The following EHF variants were observed in gnomAD, a reference collection of about 807,000 sequenced individuals.
The protein encoded by EHF is ESE3 transcription factor.
EHF carries 14 observed loss-of-function variants against 45.1 expected under a neutral mutation model. That is an observed-to-expected ratio of 0.31 (90% confidence interval 0.21 to 0.49). EHF has a LOEUF of 0.49. Among genes scored for constraint, EHF ranks in the 20% least tolerant of loss-of-function variants. The pLI is 0.99. For synonymous variants in EHF, 136 were observed against 131.8 expected (o/e 1.03, Z -0.22); for missense variants, 282 against 371.4 (o/e 0.76, Z 1.98).
chr11:34,649,184 A>G (rs774130080), intron 4 of EHF, 103 bp downstream of exon 4: 16 of 1,222,018 alleles, frequency 1.3e-5, no homozygotes, highest in Non-Finnish European at 1.9e-5. Context: ...TTTTGCAGGA[A>G]ACACAGGGAG....
At chr11:34,635,048 A>G (rs1853253872) in intron 1 of EHF, among the ~76,000 whole-genome samples, 1 of 152,158 alleles carries the variant, frequency 6.6e-6, no homozygotes, top group African/African-American at 2.4e-5. Context: ...AATGCCTCCT[A>G]GAGTTGTTGT....
chr11:34,624,132 C>T (rs1299791701), intron 1 of EHF: 2 of 255,166 alleles, frequency 7.8e-6, no homozygotes, highest in Non-Finnish European at 1.2e-5. Context: ...ATTTTGCTGC[C>T]GTTTCAGCCC....
In EHF at chr11:34,659,018, C is replaced by A; in HGVS notation, c.*87C>A. 2.0e-6 allele frequency: 2 copies of A among 1,013,136 alleles called. No homozygotes were observed. Among genetic ancestry groups the A allele is most frequent in the Non-Finnish European group, 1.4e-6 (1 of 695,132 alleles). The allele number at this position is 1,013,136 out of a possible 1,614,324, so 62.8% of individuals were successfully genotyped here. A position where few individuals can be genotyped will look rare whatever the true frequency, so the allele number is the denominator to read the frequency against. On this transcript the variant is annotated 3_prime_UTR_variant, in exon 9 of 9. Transcript: ENST00000257831. ...CTGGACGTAAATATTTCAAAGACTA[C>A]TTTTCTCTGATATTTATGTACCATG... is the stretch of plus-strand genomic sequence containing the variant.
At chr11:34,641,728 A>G (rs1854021593) in intron 1 of EHF, among the ~76,000 whole-genome samples, 1 of 152,222 alleles carries the variant, frequency 6.6e-6, no homozygotes, top group South Asian at 2.1e-4. Flanking sequence ...TGAAAGGTGG[A>G]GGGTGCCCGC....
At chr11:34,649,799 C>G (rs1018180529) in intron 4 of EHF, among the ~76,000 whole-genome samples, 1 of 152,172 alleles carries the variant, frequency 6.6e-6, no homozygotes, top group Admixed American at 6.5e-5. Context: ...TGCCTGGGAG[C>G]CTGGGAGCCA....
intron 7 of EHF, among the ~76,000 whole-genome samples, chr11:34,657,424 G>T (rs1241834019): frequency 2.6e-5 from 4 of 152,146 alleles, no homozygotes; most frequent in African/African-American, 9.7e-5. Flanking sequence ...CTCTTTGGGA[G>T]TTGGGTCTCC....
chr11:34,646,162 G>T (rs760247698), intron 2 of EHF, among the ~76,000 whole-genome samples: 25 of 151,912 alleles, frequency 1.6e-4, no homozygotes, highest in Non-Finnish European at 3.4e-4. Context: ...TTGCTGAAAT[G>T]ATAGCAATGC....
At chr11:34,629,603 CT>C (rs1852685300) in intron 1 of EHF, among the ~76,000 whole-genome samples, 1 of 152,172 alleles carries the variant, frequency 6.6e-6, no homozygotes, top group African/African-American at 2.4e-5. Flanking sequence ...TGTTTTAGGG[CT>C]AAGTTTTTAT....
chr11:34,656,250 G>A (rs1223699811), intron 6 of EHF, among the ~76,000 whole-genome samples: 1 of 152,138 alleles, frequency 6.6e-6, no homozygotes, highest in Admixed American at 6.5e-5. Context: ...ATAGTCCACT[G>A]TGGCCCTCTG....
At chr11:34,646,297 C>G in intron 2 of EHF, 142 bp from the exon 3 acceptor site, 1 of 1,346,996 alleles carries the variant, frequency 7.4e-7, no homozygotes, top group Non-Finnish European at 1.0e-6. Flanking sequence ...AAATGCACTT[C>G]TGCTCCATCA....
Position 34,653,485 on chromosome 11 carries a change from CCTT to C in EHF, c.544+1684_544+1686del, listed in dbSNP as rs997012834. Among the ~76,000 whole-genome samples, 13 of 152,276 alleles carry C rather than the reference CCTT, an allele frequency of 8.5e-5. No homozygotes were observed. In the South Asian group the frequency reaches 1.0e-3, roughly 12 times the overall value. On this transcript the variant is annotated intron_variant, in intron 6 of 8. Coordinates refer to ENST00000257831, the MANE Select transcript of EHF (RefSeq NM_012153.6). The stretch of plus-strand genomic sequence containing the variant: ...TCCACCGATTGTATTTTTCAATAGT[CCTT>C]CTTAAGATGGGCTCAGGAATCTTCT...
chr11:34,642,881 C>G (rs531459124), intron 2 of EHF, among the ~76,000 whole-genome samples, 154 bp downstream of exon 2: 1 of 152,178 alleles, frequency 6.6e-6, no homozygotes, highest in Non-Finnish European at 1.5e-5. Flanking sequence ...GAGTTCCCTA[C>G]CAGCCCCCAG....
At position 34,658,600 on chromosome 11, in the gene EHF, A is replaced by T. The variant is rs1214300882; in HGVS notation, c.675A>T (p.Gly225=). 1 of 1,613,718 alleles carries T rather than the reference A, an allele frequency of 6.2e-7. No homozygotes were observed. Among genetic ancestry groups the T allele is most frequent in the Admixed American group, 1.7e-5 (1 of 59,982 alleles). Residue 225 remains glycine, a synonymous_variant, in exon 8 of 9, where the codon GGA becomes GGT. Coordinates refer to ENST00000257831, the MANE Select transcript of EHF (RefSeq NM_012153.6). ...DILLNPDKNP[G]LIKWEDRSEG... is the part of the protein sequence containing the mutation. ...TCTTGAACCCAGACAAGAACCCAGG[A>T]TTAATAAAATGGGAAGACCGATCTG...
Position 34,646,623 on chromosome 11 carries a change from C to T in EHF, c.282C>T (p.Thr94=), listed in dbSNP as rs757088435. The T allele has an allele frequency of 5.0e-6, 8 of 1,613,618 alleles. No homozygotes were observed. The Admixed American group carries it at 1.3e-4, about 27-fold the overall frequency. Residue 94 remains threonine (T), a synonymous_variant, in exon 3 of 9, where the codon ACC becomes ACT. Coordinates refer to ENST00000257831, the MANE Select transcript of EHF (RefSeq NM_012153.6). ...HLCSMSLQEF[T]RAAGTAGQLL... is the part of the protein sequence containing the mutation. ...GCAGCATGAGTTTGCAGGAGTTCACCCGGGCGGCAGGGACGGCGGGGCAGC... is the reference window on the plus strand; with the variant it reads ...GCAGCATGAGTTTGCAGGAGTTCACTCGGGCGGCAGGGACGGCGGGGCAGC...
rs574931620 is a variant in EHF, at chr11:34,651,545, C to T, written c.410C>T (p.Pro137Leu). The T allele has an allele frequency of 6.2e-7, 1 of 1,612,842 alleles. No homozygotes were observed. Among genetic ancestry groups the T allele is most frequent in the African/African-American group, 1.3e-5 (1 of 74,870 alleles). ...TCTCCTTCTCTATTTTTTGTAGAGCCTTCCATCATGAACACCTGGAAAGAC... is the reference window on the plus strand; with the variant it reads ...TCTCCTTCTCTATTTTTTGTAGAGCTTTCCATCATGAACACCTGGAAAGAC... The part of the protein sequence containing the change: ...NVIVKTEQTE[P>L]SIMNTWKDEN... Residue 137 changes from proline to leucine, a missense_variant, in exon 5 of 9, where the codon CCT (proline) becomes CTT (leucine). Pro to Leu is a moderately conservative substitution (Grantham distance 98). Coordinates refer to ENST00000257831, the MANE Select transcript of EHF (RefSeq NM_012153.6).
Position 34,661,862 on chromosome 11 carries a change from G to T in EHF, c.*2931G>T, listed in dbSNP as rs528096326. Reference sequence around the variant, plus strand: ...GAGTTGAAAGGGCTCTCTCTTATTAGGTTTTCATGGGAACATGAGGCAGCA... The same window carrying T: ...GAGTTGAAAGGGCTCTCTCTTATTATGTTTTCATGGGAACATGAGGCAGCA... On this transcript the variant is annotated 3_prime_UTR_variant, in exon 9 of 9. Transcript: ENST00000257831. Among the ~76,000 whole-genome samples the T allele has an allele frequency of 2.6e-4, 40 of 152,076 alleles. No homozygotes were observed. Among genetic ancestry groups the T allele is most frequent in the Non-Finnish European group, 5.1e-4 (35 of 68,006 alleles).
chr11:34,631,114 C>A (rs1455502850), intron 1 of EHF, among the ~76,000 whole-genome samples: 2 of 152,210 alleles, frequency 1.3e-5, no homozygotes, highest in Non-Finnish European at 2.9e-5. Context: ...TCACTGCAAC[C>A]TCCACCTCCT....
At chr11:34,651,511 G>T in intron 4 of EHF, 31 bp from the exon 5 acceptor site, 2 of 1,551,182 alleles carry the variant, frequency 1.3e-6, no homozygotes, top group Non-Finnish European at 1.8e-6. Context: ...AAAAGAGATC[G>T]CTGACTATTC....
At position 34,658,476 on chromosome 11, in the gene EHF, G is replaced by T. The variant is rs1017671285; in HGVS notation, c.608-57G>T. The T allele has an allele frequency of 4.1e-6, 6 of 1,474,452 alleles. No homozygotes were observed. In the African/African-American group the frequency reaches 8.4e-5, roughly 21 times the overall value. 91.3% of individuals were successfully genotyped at this position (1,474,452 alleles called of 1,614,324 possible). ...AAGATGACCTAACTCAATGCTCTCT[G>T]CCCTATCTTTGCTGTGACTTAGATC... On this transcript the variant is annotated intron_variant, in intron 7 of 8. Transcript: ENST00000257831.
Sources: allele counts gnomAD v4.1 joint callset (sites outside exome capture counted in the v4.1 genomes callset), GRCh38; gene constraint gnomAD v4.1.1; transcripts MANE v1.5; gene names NCBI Gene and HGNC (gene_info 2026-07-23, HGNC 2026-07-21).